LRCH1: variants seen among roughly 807,000 people sequenced by gnomAD.
The protein encoded by LRCH1 is leucine rich repeats and calponin homology domain containing 1, also known as leucine-rich repeat and calponin homology domain-containing protein 1.
Under a neutral mutation model 94.9 loss-of-function variants are expected in LRCH1, and 23 were observed. The observed-to-expected ratio is 0.24, with a 90% confidence interval of 0.17 to 0.34. The LOEUF is 0.34. Among genes scored for constraint, LRCH1 ranks in the 10% least tolerant of loss-of-function variants. The probability of loss-of-function intolerance (pLI) is 1.00; values close to 1 mark genes in which losing one functional copy is unlikely to be tolerated. For missense variants in LRCH1, 790 were observed against 945.9 expected (o/e 0.84, Z 2.16); for synonymous variants, 364 against 354.9 (o/e 1.03, Z -0.29).
intron 1 of LRCH1, among the ~76,000 whole-genome samples, chr13:46,617,228 C>G (rs2050820815): frequency 6.6e-6 from 1 of 152,110 alleles, no homozygotes; most frequent in African/African-American, 2.4e-5. Flanking sequence ...GGGAATAGCC[C>G]TGGAGTCAGC....
intron 9 of LRCH1, among the ~76,000 whole-genome samples, chr13:46,696,695 A>G (rs1871211610): frequency 6.6e-6 from 1 of 152,166 alleles, no homozygotes; most frequent in Non-Finnish European, 1.5e-5. Flanking sequence ...GATAAAATGA[A>G]CATCTACAAC....
chr13:46,620,860 T>C (rs1019329301), intron 1 of LRCH1, among the ~76,000 whole-genome samples: 11 of 152,260 alleles, frequency 7.2e-5, no homozygotes, highest in African/African-American at 2.7e-4. Flanking sequence ...TATCACATGC[T>C]GAAATGTTAT....
At chr13:46,587,160 T>C (rs2050444360) in intron 1 of LRCH1, among the ~76,000 whole-genome samples, 1 of 152,218 alleles carries the variant, frequency 6.6e-6, no homozygotes, top group South Asian at 2.1e-4. Flanking sequence ...CTACAGACAC[T>C]AGTTGTTCAG....
chr13:46,591,931 C>T (rs367887780), intron 1 of LRCH1, among the ~76,000 whole-genome samples: 4 of 152,178 alleles, frequency 2.6e-5, no homozygotes, highest in African/African-American at 7.2e-5. Context: ...TGAACTTTGC[C>T]GTGGACTTGG....
At chr13:46,594,366 C>A (rs942779644) in intron 1 of LRCH1, among the ~76,000 whole-genome samples, 1 of 152,136 alleles carries the variant, frequency 6.6e-6, no homozygotes, top group Admixed American at 6.5e-5. Flanking sequence ...GTAAGAACCT[C>A]CTAGAACCTT....
chr13:46,588,694 G>A (rs1594266334), intron 1 of LRCH1, among the ~76,000 whole-genome samples: 1 of 148,842 alleles, frequency 6.7e-6, no homozygotes, highest in Non-Finnish European at 1.5e-5. Context: ...CCCGCCTCTC[G>A]GGTTCAAGTG....
intron 1 of LRCH1, among the ~76,000 whole-genome samples, chr13:46,608,062 G>T (rs1477865326): frequency 6.6e-6 from 1 of 152,222 alleles, no homozygotes; most frequent in African/African-American, 2.4e-5. Flanking sequence ...TGTGGGGGAT[G>T]CACTTCGACC....
chr13:46,619,934 G>T (rs79221028), intron 1 of LRCH1, among the ~76,000 whole-genome samples: 8,849 of 152,122 alleles, frequency 0.058, 382 homozygotes, highest in East Asian at 0.18. Flanking sequence ...TTACATTTTA[G>T]TTCTTTCAAT....
Position 46,695,029 on chromosome 13 carries a change from A to C in LRCH1, c.1245+12A>C. The C allele has an allele frequency of 6.2e-7, 1 of 1,611,416 alleles. No homozygotes were observed. The highest frequency in any genetic ancestry group is 8.5e-7 in the Non-Finnish European group (1 of 1,179,060). ...TTATGAACTATAAGGCAAGATTTTC[A>C]GGATCAACTACGTTTTTTTACTTAT... On this transcript the variant is annotated intron_variant, in intron 9 of 19. Coordinates refer to ENST00000389797, the MANE Select transcript of LRCH1 (RefSeq NM_001164211.2).
intron 1 of LRCH1, among the ~76,000 whole-genome samples, chr13:46,627,544 T>A (rs571171731): frequency 6.6e-6 from 1 of 152,308 alleles, no homozygotes; most frequent in African/African-American, 2.4e-5. Flanking sequence ...CTCTGTTGTA[T>A]CATTATGTCA....
chr13:46,694,820 T>G lies in LRCH1; in HGVS notation c.1121-73T>G, dbSNP rs1871090203. ...GAAGACTTGAAGTGATTAGATCATA[T>G]TTGAAGATCAGCTGTGTTTTGCTCT... On this transcript the variant is annotated intron_variant, in intron 8 of 19. Coordinates refer to ENST00000389797, the MANE Select transcript of LRCH1 (RefSeq NM_001164211.2). The G allele has an allele frequency of 5.9e-6, 9 of 1,519,678 alleles. No homozygotes were observed. The Admixed American group carries it at 8.7e-5, about 15-fold the overall frequency. The allele number at this position is 1,519,678 out of a possible 1,614,324, so 94.1% of individuals were successfully genotyped here.
intron 2 of LRCH1, among the ~76,000 whole-genome samples, chr13:46,667,847 A>T (rs1448363734): frequency 6.6e-6 from 1 of 152,220 alleles, no homozygotes; most frequent in Non-Finnish European, 1.5e-5. Flanking sequence ...AAAACCATCC[A>T]TTGTACCTAT....
intron 1 of LRCH1, among the ~76,000 whole-genome samples, chr13:46,586,716 G>C (rs1325812007): frequency 2.0e-5 from 3 of 152,194 alleles, no homozygotes; most frequent in South Asian, 2.1e-4. Flanking sequence ...ACCATGCCCA[G>C]CTTCAGTTAA....
chr13:46,580,434 T>G (rs1400249010), intron 1 of LRCH1, among the ~76,000 whole-genome samples: 1 of 152,254 alleles, frequency 6.6e-6, no homozygotes, highest in Non-Finnish European at 1.5e-5. Flanking sequence ...TTGAAACTAC[T>G]GCAGCGAAAC....
rs759875291 is a variant in LRCH1 at position 46,687,982 on chromosome 13, G to A, written c.950+3G>A. 12 of 1,610,968 alleles carry A rather than the reference G, an allele frequency of 7.4e-6. No homozygotes were observed. In the Admixed American group the frequency reaches 1.7e-4, roughly 23 times the overall value. On this transcript the variant is annotated splice_donor_region_variant and intron_variant, in intron 6 of 19. Coordinates refer to ENST00000389797, the MANE Select transcript of LRCH1 (RefSeq NM_001164211.2). ...TTACACCAGCACGTGGAAGATGGGTGAGTCATGCCCTCATTCAAAGCCCCA... is the reference window on the plus strand; with the variant it reads ...TTACACCAGCACGTGGAAGATGGGTAAGTCATGCCCTCATTCAAAGCCCCA...
intron 1 of LRCH1, among the ~76,000 whole-genome samples, chr13:46,577,878 G>GCATTTACAATTGTT (rs1555269592): frequency 3.3e-5 from 5 of 152,218 alleles, no homozygotes; most frequent in Non-Finnish European, 5.9e-5. Context: ...ATTTACAATT[G>GCATTTACAATTGTT]CTAGAGAACA....
At chr13:46,708,350 C>A (rs539853355) in intron 13 of LRCH1, among the ~76,000 whole-genome samples, 30 of 147,352 alleles carry the variant, frequency 2.0e-4, no homozygotes, top group Non-Finnish European at 4.1e-4. Context: ...CGGCTCACTG[C>A]AACCTCCACC....
At chr13:46,657,284 G>T (rs1306312070) in intron 2 of LRCH1, among the ~76,000 whole-genome samples, 3 of 151,466 alleles carry the variant, frequency 2.0e-5, no homozygotes, top group Non-Finnish European at 4.4e-5. Context: ...CAGATAAAAA[G>T]CACTGTGAAA....
chr13:46,746,431 T>C (rs1027128367), downstream of LRCH1, among the ~76,000 whole-genome samples: 4 of 152,108 alleles, frequency 2.6e-5, no homozygotes, highest in African/African-American at 7.2e-5. Context: ...GATTCTACCA[T>C]TGGAGAAGTA....
Sources: gnomAD v4.1 joint callset for allele counts (sites outside exome capture counted in the v4.1 genomes callset) on GRCh38, gnomAD v4.1.1 for gene constraint, MANE v1.5 for transcripts, NCBI Gene and HGNC (gene_info 2026-07-23, HGNC 2026-07-21) for gene names.